Variants in PTPRT observed in about 807,000 individuals in gnomAD.
PTPRT encodes the protein receptor-type tyrosine-protein phosphatase T.
In PTPRT, 56 loss-of-function variants were observed where a neutral mutation model predicts 176.8. That is an observed-to-expected ratio of 0.32 (90% CI 0.26 to 0.40). The LOEUF (loss-of-function observed/expected upper bound fraction) is 0.40, where lower values mean the gene tolerates loss of function less well. PTPRT is among the 10% of genes least tolerant of loss of function. PTPRT has a pLI of 1.00. For missense variants in PTPRT, 1,540 were observed against 1,908.2 expected (o/e 0.81, Z 3.60); for synonymous variants, 783 against 739.0 (o/e 1.06, Z -0.96).
intron 1 of PTPRT, among the ~76,000 whole-genome samples, chr20:42,998,348 G>C (rs6072936): frequency 0.2 from 30,941 of 152,096 alleles, 3,303 homozygotes; most frequent in Non-Finnish European, 0.23. Context: ...TTCTTAATAT[G>C]ATTCTGCGGT....
intron 2 of PTPRT, among the ~76,000 whole-genome samples, chr20:42,873,112 T>C (rs534188576): frequency 1.3e-5 from 2 of 152,300 alleles, no homozygotes; most frequent in East Asian, 3.9e-4. Context: ...GTAGGAAAAC[T>C]GAGGTCCAGA....
chr20:42,790,556 C>T (rs1018255115), intron 3 of PTPRT, among the ~76,000 whole-genome samples: 2 of 152,108 alleles, frequency 1.3e-5, no homozygotes, highest in African/African-American at 2.4e-5. Context: ...TCTGCTTGTC[C>T]CTGCAGGCTG....
chr20:42,759,805 T>A (rs1343239714), intron 5 of PTPRT, among the ~76,000 whole-genome samples: 1 of 152,180 alleles, frequency 6.6e-6, no homozygotes, highest in Non-Finnish European at 1.5e-5. Flanking sequence ...TGTTCTAAAG[T>A]GAAATCATCG....
At chr20:43,065,010 C>CT (rs1202267839) in intron 1 of PTPRT, among the ~76,000 whole-genome samples, 1 of 152,176 alleles carries the variant, frequency 6.6e-6, no homozygotes, top group Non-Finnish European at 1.5e-5. Context: ...GATGATCCTT[C>CT]TATCCATGGT....
At chr20:42,556,690 G>A (rs560885365) in intron 7 of PTPRT, among the ~76,000 whole-genome samples, 13 of 152,116 alleles carry the variant, frequency 8.5e-5, no homozygotes, top group Admixed American at 2.0e-4. Context: ...CCTGTGCATG[G>A]TATGAGCCCT....
the PTPRT span, among the ~76,000 whole-genome samples, chr20:42,058,733 TG>T: frequency 2.6e-5 from 4 of 152,194 alleles, no homozygotes; most frequent in African/African-American, 9.6e-5. Flanking sequence ...CCTTTCCAGC[TG>T]GGCCCTGATA....
At chr20:42,978,787 C>T (rs920020899) in intron 1 of PTPRT, among the ~76,000 whole-genome samples, 66 of 152,264 alleles carry the variant, frequency 4.3e-4, no homozygotes, top group African/African-American at 1.5e-3. Flanking sequence ...TGACAGTTTA[C>T]GAATGCCATG....
intron 1 of PTPRT, among the ~76,000 whole-genome samples, chr20:42,954,684 AAG>A (rs1981507353): frequency 6.6e-6 from 1 of 152,122 alleles, no homozygotes; most frequent in Non-Finnish European, 1.5e-5. Flanking sequence ...AGGGAAGCAA[AAG>A]AGATTTCCTG....
At chr20:42,958,821 C>A (rs1235252132) in intron 1 of PTPRT, among the ~76,000 whole-genome samples, 1 of 152,148 alleles carries the variant, frequency 6.6e-6, no homozygotes, top group African/African-American at 2.4e-5. Context: ...AACTTATGAA[C>A]CTCCTCCTGA....
intron 4 of PTPRT, among the ~76,000 whole-genome samples, chr20:42,779,632 C>G (rs186460426): frequency 7.9e-5 from 12 of 152,272 alleles, no homozygotes; most frequent in African/African-American, 2.9e-4. Context: ...ATATCTGAGA[C>G]TAAATATGGC....
chr20:42,571,743 G>GAGGA (rs1257682989), intron 7 of PTPRT, among the ~76,000 whole-genome samples: 2 of 152,232 alleles, frequency 1.3e-5, no homozygotes, highest in Admixed American at 1.3e-4. Context: ...GATCCAGGAA[G>GAGGA]AGGACCCCAA....
intron 2 of PTPRT, among the ~76,000 whole-genome samples, chr20:42,863,921 G>T (rs1382850337): frequency 6.6e-6 from 1 of 152,248 alleles, no homozygotes; most frequent in African/African-American, 2.4e-5. Flanking sequence ...GCAGGAAAGA[G>T]ATACCAGGGG....
chr20:42,882,738 C>G (rs965910579), intron 2 of PTPRT, among the ~76,000 whole-genome samples: 3 of 152,154 alleles, frequency 2.0e-5, no homozygotes, highest in African/African-American at 4.8e-5. Context: ...CTCATGGTCC[C>G]CATTCACATA....
chr20:43,088,848 T>C (rs2011712024), intron 1 of PTPRT, among the ~76,000 whole-genome samples: 1 of 152,152 alleles, frequency 6.6e-6, no homozygotes, highest in Non-Finnish European at 1.5e-5. Flanking sequence ...CTTCTCACTC[T>C]GAATCTGTCG....
At chr20:42,429,787 AG>A (rs966710215) in intron 9 of PTPRT, among the ~76,000 whole-genome samples, 1 of 152,224 alleles carries the variant, frequency 6.6e-6, no homozygotes, top group African/African-American at 2.4e-5. Flanking sequence ...GCCCTCATCC[AG>A]GTGCCGAGGG....
intron 23 of PTPRT, among the ~76,000 whole-genome samples, chr20:42,107,470 G>A (rs543769478): frequency 2.7e-4 from 41 of 152,336 alleles, no homozygotes; most frequent in Middle Eastern, 3.4e-3. Context: ...ACCCTTGTCA[G>A]GGATCAAGTT....
chr20:42,450,037 C>A (rs1160270337), intron 8 of PTPRT, among the ~76,000 whole-genome samples: 4 of 152,162 alleles, frequency 2.6e-5, no homozygotes, highest in Non-Finnish European at 5.9e-5. Context: ...AAAGAAATTG[C>A]AGGCTTCTCT....
chr20:43,169,765 T>C (rs965241443), intron 1 of PTPRT, among the ~76,000 whole-genome samples: 1 of 152,198 alleles, frequency 6.6e-6, no homozygotes, highest in African/African-American at 2.4e-5. Flanking sequence ...ACTGCAAGCA[T>C]GCCTCCCTGA....
the PTPRT span, among the ~76,000 whole-genome samples, chr20:42,043,078 T>C: frequency 6.6e-6 from 1 of 152,260 alleles, no homozygotes; most frequent in African/African-American, 2.4e-5. Context: ...GGAAATGGCC[T>C]GTTTGGCCAA....
Sources: allele counts gnomAD v4.1 joint callset (sites outside exome capture counted in the v4.1 genomes callset), GRCh38; gene constraint gnomAD v4.1.1; transcripts MANE v1.5; gene names NCBI Gene and HGNC (gene_info 2026-07-23, HGNC 2026-07-21).